LRRC56: variants seen among roughly 807,000 people sequenced by gnomAD.
LRRC56 encodes the protein leucine rich repeat containing 56.
A neutral mutation model predicts 47.8 loss-of-function variants in LRRC56; 41 were observed. That is an observed-to-expected ratio of 0.86 (90% CI 0.67 to 1.11). The LOEUF (loss-of-function observed/expected upper bound fraction) is 1.11. LRRC56 is among the 50% of genes most tolerant of loss of function. The pLI, the probability that LRRC56 is intolerant of heterozygous loss-of-function variation, is 0.00. For synonymous variants in LRRC56, 387 were observed against 311.2 expected (o/e 1.24, Z -2.56); for missense variants, 759 against 704.2 (o/e 1.08, Z -0.88).
the LRRC56 span, among the ~76,000 whole-genome samples, chr11:510,709 G>A: frequency 6.6e-6 from 1 of 151,846 alleles, no homozygotes; most frequent in Non-Finnish European, 1.5e-5. Flanking sequence ...TTGCACTCCA[G>A]CCTGGGCAAC....
chr11:551,450 C>T (rs2134065663), intron 9 of LRRC56, 148 bp downstream of exon 9: 2 of 798,538 alleles, frequency 2.5e-6, no homozygotes, highest in South Asian at 3.7e-5. Flanking sequence ...GCACACCCGG[C>T]CCCAGGCCAG....
the LRRC56 span, among the ~76,000 whole-genome samples, chr11:522,422 C>T: frequency 2.8e-4 from 42 of 152,294 alleles, no homozygotes; most frequent in African/African-American, 8.7e-4. Context: ...GCCGCCACCA[C>T]GCCTGGCTAA....
chr11:545,330 G>GCA (rs1212223361), intron 6 of LRRC56, among the ~76,000 whole-genome samples: 1 of 152,210 alleles, frequency 6.6e-6, no homozygotes, highest in Non-Finnish European at 1.5e-5. Flanking sequence ...AAGGACTGGG[G>GCA]GCCTTCTGGC....
At chr11:526,668 G>C in the LRRC56 span, among the ~76,000 whole-genome samples, 1 of 152,208 alleles carries the variant, frequency 6.6e-6, no homozygotes, top group Admixed American at 6.5e-5. Flanking sequence ...CGGGCACGGT[G>C]GCTCATGCCT....
At chr11:516,630 T>C in the LRRC56 span, among the ~76,000 whole-genome samples, 1 of 151,990 alleles carries the variant, frequency 6.6e-6, no homozygotes, top group African/African-American at 2.4e-5. Context: ...GAATTCACCA[T>C]ATAAGCAGAT....
chr11:535,041 G>C (rs958328010), upstream of LRRC56, among the ~76,000 whole-genome samples: 1 of 152,104 alleles, frequency 6.6e-6, no homozygotes, highest in Admixed American at 6.5e-5. Context: ...GGCCTGGTCC[G>C]CGACCTGTGA....
the LRRC56 span, among the ~76,000 whole-genome samples, chr11:507,941 G>C: frequency 6.6e-6 from 1 of 152,264 alleles, no homozygotes; most frequent in African/African-American, 2.4e-5. Context: ...CGACACCCGA[G>C]CGTCGCCTGG....
chr11:522,799 A>G, the LRRC56 span, among the ~76,000 whole-genome samples: 5 of 152,092 alleles, frequency 3.3e-5, no homozygotes. Flanking sequence ...CAAAGGTTGG[A>G]GTGCAGTGGC....
chr11:552,564 C>T lies in LRRC56; in HGVS notation c.1182-5C>T, dbSNP rs748320757. 8.1e-6 allele frequency: 13 copies of T among 1,596,582 alleles called. No homozygotes were observed. The Admixed American group carries it at 2.0e-4, about 25-fold the overall frequency. ...CTGGAGCTTCTCCTCCTCTCCCCACCCTAGCCCCCTCCCCTATAGGCACCC... is the reference window on the plus strand; with the variant it reads ...CTGGAGCTTCTCCTCCTCTCCCCACTCTAGCCCCCTCCCCTATAGGCACCC... On this transcript the variant is annotated splice_region_variant and splice_polypyrimidine_tract_variant and intron_variant, in intron 12 of 13. Coordinates refer to ENST00000270115, the MANE Select transcript of LRRC56 (RefSeq NM_198075.4).
the LRRC56 span, among the ~76,000 whole-genome samples, chr11:515,321 A>G: frequency 6.6e-6 from 1 of 152,204 alleles, no homozygotes; most frequent in South Asian, 2.1e-4. Flanking sequence ...GTCCTTCCTC[A>G]GACGGGATAT....
At chr11:532,869 G>T, upstream of LRRC56, 1 of 1,053,046 alleles carries the variant, frequency 9.5e-7, no homozygotes, top group South Asian at 1.3e-5. Context: ...GACTCCACCA[G>T]CCACTTCCCC....
chr11:534,324 G>C (rs757657838), upstream of LRRC56: 1 of 1,610,034 alleles, frequency 6.2e-7, no homozygotes, highest in African/African-American at 1.3e-5. Flanking sequence ...TTCCGTCATC[G>C]CTCCTCAGGG....
At chr11:552,404 C>T (rs1378267002) in intron 12 of LRRC56, among the ~76,000 whole-genome samples, 165 bp from the exon 13 acceptor site, 3 of 151,032 alleles carry the variant, frequency 2.0e-5, no homozygotes, top group African/African-American at 7.3e-5. Flanking sequence ...CATCGCTGGT[C>T]CCAAGGCTCG....
chr11:543,190 G>T (rs944890747), intron 5 of LRRC56, among the ~76,000 whole-genome samples: 2 of 138,824 alleles, frequency 1.4e-5, no homozygotes, highest in Non-Finnish European at 3.1e-5. Context: ...ATGAGCCACC[G>T]CGCCTGGCCT....
At chr11:547,744 G>A (rs1448625800) in intron 6 of LRRC56, among the ~76,000 whole-genome samples, 1 of 152,074 alleles carries the variant, frequency 6.6e-6, no homozygotes, top group African/African-American at 2.4e-5. Flanking sequence ...AAAGAGCAGT[G>A]GAAGGTACTA....
chr11:508,127 T>A, the LRRC56 span, among the ~76,000 whole-genome samples: 1 of 152,254 alleles, frequency 6.6e-6, no homozygotes, highest in Admixed American at 6.5e-5. Context: ...CTCAGATTTG[T>A]TCTTTAGCAA....
At chr11:511,320 C>CAAA in the LRRC56 span, among the ~76,000 whole-genome samples, 1 of 78,474 alleles carries the variant, frequency 1.3e-5, no homozygotes, top group Non-Finnish European at 2.6e-5. Flanking sequence ...GACTCCGTCT[C>CAAA]AAAAAAAAAA....
upstream of LRRC56, chr11:534,618 G>A: frequency 3.8e-6 from 2 of 520,232 alleles, no homozygotes; most frequent in Non-Finnish European, 7.0e-6. Context: ...TCAAAGGCAG[G>A]GCTGACAGCT....
upstream of LRRC56, chr11:537,404 T>C (rs1851561544): frequency 6.6e-6 from 1 of 152,234 alleles, no homozygotes; most frequent in East Asian, 1.9e-4. Flanking sequence ...CTAAGGGGCG[T>C]GGCTCAGCCG....
Sources: gnomAD v4.1 joint callset for allele counts (sites outside exome capture counted in the v4.1 genomes callset) on GRCh38, gnomAD v4.1.1 for gene constraint, MANE v1.5 for transcripts, NCBI Gene and HGNC (gene_info 2026-07-23, HGNC 2026-07-21) for gene names.